Variants in WAC observed in about 807,000 individuals in gnomAD.
WAC encodes WW domain-containing adapter protein with coiled-coil.
A neutral mutation model predicts 79.6 loss-of-function variants in WAC; 11 were observed. The observed-to-expected ratio is 0.14, with a 90% CI of 0.09 to 0.23. The LOEUF (loss-of-function observed/expected upper bound fraction) is 0.23, where lower values mean the gene tolerates loss of function less well. WAC is among the 10% of genes least tolerant of loss of function. WAC has a pLI of 1.00. For missense variants in WAC, 728 were observed against 773.5 expected (o/e 0.94, Z 0.70); for synonymous variants, 304 against 276.9 (o/e 1.10, Z -0.97).
Position 28,620,846 on chromosome 10 carries a change from G to T in WAC, c.*1240G>T, listed in dbSNP as rs1841661425. On this transcript the variant is annotated 3_prime_UTR_variant, in exon 14 of 14. Transcript: ENST00000354911. ...TGTTGTAGCTAACTGTTCAAGTCTG[G>T]TGCTGACTGCTGTTCTTAGCCATCA... The T allele has an allele frequency of 6.6e-6, 1 of 152,172 alleles. No individual in the cohort carries two copies. Among genetic ancestry groups the T allele is most frequent in the Non-Finnish European group, 1.5e-5 (1 of 68,034 alleles). The allele number at this position is 152,172 out of a possible 1,614,324, so 9.4% of individuals were successfully genotyped here.
intron 7 of WAC, among the ~76,000 whole-genome samples, chr10:28,607,554 T>C (rs893412043): frequency 6.6e-6 from 1 of 152,220 alleles, no homozygotes; most frequent in Non-Finnish European, 1.5e-5. Context: ...AAGTGTCCTT[T>C]TTAATAATCT....
chr10:28,562,528 T>C (rs1285067713), intron 3 of WAC, among the ~76,000 whole-genome samples: 1 of 152,236 alleles, frequency 6.6e-6, no homozygotes, highest in Admixed American at 6.5e-5. Context: ...GTATGTATTG[T>C]CTTTGCACAT....
intron 3 of WAC, among the ~76,000 whole-genome samples, chr10:28,561,760 GCCT>G (rs147764958): frequency 1.4e-4 from 21 of 152,250 alleles, no homozygotes; most frequent in African/African-American, 4.8e-4. Flanking sequence ...CCGGAGTTCC[GCCT>G]CCTGTCAGAT....
At chr10:28,582,878 C>G (rs1222258645) in intron 3 of WAC, among the ~76,000 whole-genome samples, 1 of 152,068 alleles carries the variant, frequency 6.6e-6, no homozygotes, top group Non-Finnish European at 1.5e-5. Flanking sequence ...AAGTGAGCAC[C>G]TTCCCTGAGA....
At chr10:28,567,175 A>C (rs1357356317) in intron 3 of WAC, among the ~76,000 whole-genome samples, 1 of 151,048 alleles carries the variant, frequency 6.6e-6, no homozygotes, top group Non-Finnish European at 1.5e-5. Context: ...AGTTCCTCTA[A>C]ATTCCAGCTC....
rs528248662 is a variant in WAC, at chr10:28,533,561, A to G, written c.-19A>G. 175 of 1,482,674 alleles carry G rather than the reference A, an allele frequency of 1.2e-4. 3 individuals carry two copies. In the South Asian group the frequency reaches 1.7e-3, roughly 15 times the overall value. The allele number at this position is 1,482,674 out of a possible 1,614,324, so 91.8% of individuals were successfully genotyped here. On this transcript the variant is annotated 5_prime_UTR_variant, in exon 1 of 14. Coordinates refer to ENST00000354911, the MANE Select transcript of WAC (RefSeq NM_016628.5). Reference sequence around the variant, plus strand: ...CCGCTCTCCCCCCTCCCCGACACACACTCACAGGCCGGGCATTGATGGTAA... The same window carrying G: ...CCGCTCTCCCCCCTCCCCGACACACGCTCACAGGCCGGGCATTGATGGTAA...
chr10:28,599,023 A>C (rs1564410476), intron 7 of WAC, among the ~76,000 whole-genome samples: 1 of 152,148 alleles, frequency 6.6e-6, no homozygotes, highest in Non-Finnish European at 1.5e-5. Flanking sequence ...ATTGTTTTCC[A>C]TTTAGTCTGT....
rs185009834 is a variant in WAC at position 28,582,787 on chromosome 10, A to T, written c.275-612A>T. ...ACTGACATATACAGATTTTCATAAA[A>T]CTTGAGTTACTCTTAAGCAATTTTT... is the stretch of plus-strand genomic sequence containing the variant. On this transcript the variant is annotated intron_variant, in intron 3 of 13. Transcript: ENST00000354911. Among the ~76,000 whole-genome samples the T allele has an allele frequency of 7.9e-5, 12 of 152,300 alleles. No homozygotes were observed. The East Asian group carries it at 2.3e-3, about 29-fold the overall frequency.
intron 3 of WAC, among the ~76,000 whole-genome samples, chr10:28,544,930 T>G (rs1397454784): frequency 6.6e-6 from 1 of 151,174 alleles, no homozygotes; most frequent in African/African-American, 2.4e-5. Flanking sequence ...TGGGGCGTGG[T>G]GGTGCATACC....
chr10:28,555,752 C>A (rs1229360775), intron 3 of WAC, among the ~76,000 whole-genome samples: 1 of 152,092 alleles, frequency 6.6e-6, no homozygotes, highest in Non-Finnish European at 1.5e-5. Context: ...AGATAAGTCA[C>A]CAGTGTAGGG....
chr10:28,616,093 G>A (rs1841455110), intron 11 of WAC, 80 bp from the exon 12 acceptor site: 2 of 1,125,048 alleles, frequency 1.8e-6, no homozygotes, highest in African/African-American at 3.1e-5. Flanking sequence ...GTTAATAAAA[G>A]GTATTAACAT....
rs1038201088 is a variant in WAC at position 28,596,831 on chromosome 10, A to G, written c.919+790A>G. Among the ~76,000 whole-genome samples, 6 of 152,106 alleles carry G rather than the reference A, an allele frequency of 3.9e-5. 1 individual carries two copies. The South Asian group carries it at 1.0e-3, about 26-fold the overall frequency. Reference sequence around the variant, plus strand: ...TTTAAATGTGCTGTGGGTTTAGGAGAGGCTTGATACATTAATTCACATTGA... The same window carrying G: ...TTTAAATGTGCTGTGGGTTTAGGAGGGGCTTGATACATTAATTCACATTGA... On this transcript the variant is annotated intron_variant, in intron 7 of 13. Coordinates refer to ENST00000354911, the MANE Select transcript of WAC (RefSeq NM_016628.5).
intron 11 of WAC, chr10:28,615,078 C>G (rs973954028): frequency 6.0e-6 from 1 of 166,910 alleles, no homozygotes; most frequent in African/African-American, 2.4e-5. Context: ...AAAACTTGGG[C>G]CAATGTTTCC....
chr10:28,556,106 G>GT (rs1411146100), intron 3 of WAC, among the ~76,000 whole-genome samples: 1 of 152,118 alleles, frequency 6.6e-6, no homozygotes, highest in Non-Finnish European at 1.5e-5. Context: ...CCAGTTGTAG[G>GT]TTTGCTGGAT....
chr10:28,570,110 ATTTAC>A (rs990345561), intron 3 of WAC, among the ~76,000 whole-genome samples: 1 of 152,218 alleles, frequency 6.6e-6, no homozygotes, highest in Non-Finnish European at 1.5e-5. Flanking sequence ...GTAAGGGAGA[ATTTAC>A]TTAAAGTTTT....
rs760583698 is a variant in WAC at position 28,619,898 on chromosome 10, A to G, written c.*292A>G. Reference sequence around the variant, plus strand: ...GAGCTTAGACATCCAAAACTAATCAATGCTGAGGTGGCTAAATACCTAGCC... The same window carrying G: ...GAGCTTAGACATCCAAAACTAATCAGTGCTGAGGTGGCTAAATACCTAGCC... On this transcript the variant is annotated 3_prime_UTR_variant, in exon 14 of 14. Coordinates refer to ENST00000354911, the MANE Select transcript of WAC (RefSeq NM_016628.5). The G allele has an allele frequency of 9.0e-6, 2 of 222,666 alleles. No individual in the cohort carries two copies. The highest frequency in any genetic ancestry group is 1.7e-5 in the Non-Finnish European group (2 of 114,406). 13.8% of individuals were successfully genotyped at this position (222,666 alleles called of 1,614,324 possible).
chr10:28,538,158 T>C (rs187398345), intron 3 of WAC: 15 of 158,480 alleles, frequency 9.5e-5, no homozygotes, highest in Admixed American at 9.0e-4. Flanking sequence ...TATAGTGAGA[T>C]ATTTAGTCAT....
At chr10:28,585,125 T>A (rs1409831379) in intron 4 of WAC, among the ~76,000 whole-genome samples, 6 of 152,124 alleles carry the variant, frequency 3.9e-5, no homozygotes. Flanking sequence ...ATGGGATTGG[T>A]TAAGCAGATA....
chr10:28,595,463 A>G (rs1347285500), intron 6 of WAC, among the ~76,000 whole-genome samples: 1 of 152,020 alleles, frequency 6.6e-6, no homozygotes, highest in Non-Finnish European at 1.5e-5. Flanking sequence ...TGTGATTCTA[A>G]GGAATCCTTA....
Sources: allele counts gnomAD v4.1 joint callset (sites outside exome capture counted in the v4.1 genomes callset), GRCh38; gene constraint gnomAD v4.1.1; transcripts MANE v1.5; gene names NCBI Gene and HGNC (gene_info 2026-07-23, HGNC 2026-07-21).